Variants in SLA observed in about 807,000 individuals in gnomAD.
The protein encoded by SLA is src-like-adapter.
SLA carries 16 observed loss-of-function variants against 30.3 expected under a neutral mutation model. That is an observed-to-expected ratio of 0.53 (90% CI 0.36 to 0.80). The LOEUF (loss-of-function observed/expected upper bound fraction) is 0.80. Ranked by LOEUF, SLA falls within the 30% of genes least tolerant of loss-of-function variation. SLA has a pLI of 0.01. For synonymous variants in SLA, 143 were observed against 137.8 expected (o/e 1.04, Z -0.26); for missense variants, 310 against 345.2 (o/e 0.90, Z 0.81).
At chr8:133,067,897 AGGAAGGAAGGAAGGAAG>A (rs1564145710) in intron 2 of SLA, among the ~76,000 whole-genome samples, 6 of 115,888 alleles carry the variant, frequency 5.2e-5, no homozygotes, top group East Asian at 3.2e-4. Context: ...TATGTATGGA[AGGAAGGAAGGAAGGAAG>A]GAAAGAGAGA....
intron 6 of SLA, chr8:133,046,960 C>G (rs1839535732): frequency 2.0e-5 from 3 of 152,094 alleles, no homozygotes; most frequent in Non-Finnish European, 4.4e-5. Context: ...ATTGAATGTA[C>G]AAGAAGCAAG....
chr8:133,060,163 C>G lies in SLA; in HGVS notation c.-3G>C. The G allele has an allele frequency of 6.2e-7, 1 of 1,612,694 alleles. No homozygotes were observed. Among genetic ancestry groups the G allele is most frequent in the South Asian group, 1.1e-5 (1 of 90,762 alleles). On this transcript the variant is annotated 5_prime_UTR_variant, in exon 3 of 9. Coordinates refer to ENST00000338087, the MANE Select transcript of SLA (RefSeq NM_001045556.3). ...GTGGATTTCATGCTGTTTCCCATTT[C>G]TTTCTTTTTCCCTGGGGCCGCTGGT...
At chr8:133,070,029 A>ACC (rs1554715883) in intron 2 of SLA, among the ~76,000 whole-genome samples, 1 of 109,812 alleles carries the variant, frequency 9.1e-6, no homozygotes, top group South Asian at 3.2e-4. Flanking sequence ...AAAAAAAAGA[A>ACC]AGAAAGAAAG....
chr8:133,100,101 G>C (rs1849015810), intron 1 of SLA, among the ~76,000 whole-genome samples: 1 of 152,192 alleles, frequency 6.6e-6, no homozygotes, highest in Non-Finnish European at 1.5e-5. Context: ...AACTCCTGCT[G>C]TTCCCTCTTG....
At chr8:133,065,110 C>T (rs560903416) in intron 2 of SLA, among the ~76,000 whole-genome samples, 12 of 152,200 alleles carry the variant, frequency 7.9e-5, no homozygotes, top group African/African-American at 1.7e-4. Context: ...AAGTGTGGTG[C>T]GGCAAGTGGA....
intron 1 of SLA, among the ~76,000 whole-genome samples, chr8:133,101,496 C>T (rs1849244893): frequency 6.6e-6 from 1 of 152,184 alleles, no homozygotes; most frequent in Admixed American, 6.5e-5. Context: ...TCAGCCATGC[C>T]TTTTACTCCA....
intron 1 of SLA, among the ~76,000 whole-genome samples, chr8:133,075,523 T>C (rs1564157218): frequency 6.6e-6 from 1 of 152,244 alleles, no homozygotes; most frequent in Non-Finnish European, 1.5e-5. Context: ...GATAATACTG[T>C]TCCAGTCTTA....
In SLA at chr8:133,037,583, A is replaced by G. The variant is rs972997312; in HGVS notation, c.*941T>C. 6.7e-6 allele frequency: 1 copy of G among 149,648 alleles called. No homozygotes were observed. The highest frequency in any genetic ancestry group is 1.5e-5 in the Non-Finnish European group (1 of 67,628). 9.3% of individuals were successfully genotyped at this position (149,648 alleles called of 1,614,324 possible). On this transcript the variant is annotated 3_prime_UTR_variant, in exon 9 of 9. Transcript: ENST00000338087. ...TCTCTTTTTACACATTTGTTTATACATTTTTTCCCTGTCTACACTGTGAAC... is the reference window on the plus strand; with the variant it reads ...TCTCTTTTTACACATTTGTTTATACGTTTTTTCCCTGTCTACACTGTGAAC...
At chr8:133,098,746 C>T (rs780730790) in intron 1 of SLA, among the ~76,000 whole-genome samples, 7 of 152,280 alleles carry the variant, frequency 4.6e-5, no homozygotes, top group Middle Eastern at 3.4e-3. Flanking sequence ...AAATGCCATC[C>T]ATCAGGGAGG....
chr8:133,075,168 C>G (rs926241817), intron 1 of SLA, 38 bp from the exon 2 acceptor site: 1 of 975,568 alleles, frequency 1.0e-6, no homozygotes, highest in African/African-American at 1.8e-5. Context: ...TTTTACAAAG[C>G]ATTTGAGAAT....
At chr8:133,067,660 CAGTT>C (rs753750434) in intron 2 of SLA, among the ~76,000 whole-genome samples, 37 of 152,162 alleles carry the variant, frequency 2.4e-4, no homozygotes, top group Non-Finnish European at 4.7e-4. Flanking sequence ...CCTGTAATCC[CAGTT>C]ACTCAGGAGG....
intron 1 of SLA, among the ~76,000 whole-genome samples, chr8:133,086,915 A>G (rs1289564096): frequency 6.6e-6 from 1 of 152,196 alleles, no homozygotes; most frequent in African/African-American, 2.4e-5. Flanking sequence ...CATTCTCCCT[A>G]ATAACCTAAA....
chr8:133,060,821 A>T (rs553277835), intron 2 of SLA, among the ~76,000 whole-genome samples: 1 of 152,316 alleles, frequency 6.6e-6, no homozygotes, highest in South Asian at 2.1e-4. Context: ...TTGTGCAGTG[A>T]GGGAAACTGA....
At position 133,038,542 on chromosome 8, in the gene SLA, T is replaced by C; in HGVS notation, c.813A>G (p.Pro271=). 6.2e-7 allele frequency: 1 copy of C among 1,612,696 alleles called. No homozygotes were observed. The highest frequency in any genetic ancestry group is 8.5e-7 in the Non-Finnish European group (1 of 1,178,722). ...TTCTTGGCTAGTCCTCAAAGTAAGG[T>C]GGTGATGAGAAGAATGAGCTCTTTC... The part of the protein sequence containing the change: ...SKRKSSFFSS[P]PYFED Residue 271 remains proline (P), a synonymous_variant, in exon 9 of 9, where the codon CCA becomes CCG. Transcript: ENST00000338087.
chr8:133,057,928 G>A (rs1248071803), intron 3 of SLA, among the ~76,000 whole-genome samples: 2 of 152,200 alleles, frequency 1.3e-5, no homozygotes, highest in Non-Finnish European at 2.9e-5. Context: ...TGCACGGCCA[G>A]GGTCTGTGGA....
intron 6 of SLA, chr8:133,047,136 T>C (rs1839570717): frequency 6.6e-6 from 1 of 152,250 alleles, no homozygotes; most frequent in Non-Finnish European, 1.5e-5. Flanking sequence ...AAGCAGTAAA[T>C]TAGTAATTTG....
chr8:133,102,521 G>T lies in SLA; in HGVS notation c.-319+32C>A, dbSNP rs1469018189. 11 of 1,550,478 alleles carry T rather than the reference G, an allele frequency of 7.1e-6. No individual in the cohort carries two copies. In the East Asian group the frequency reaches 2.7e-4, roughly 38 times the overall value. On this transcript the variant is annotated intron_variant, in intron 1 of 8. Transcript: ENST00000338087. ...CCAGGCCACCTATGGCCCACCCAGG[G>T]GGTCCCAATGACAGCAAAGTTAGCA... is the stretch of plus-strand genomic sequence containing the variant.
intron 1 of SLA, among the ~76,000 whole-genome samples, chr8:133,087,440 G>A (rs879594138): frequency 5.9e-5 from 9 of 152,128 alleles, no homozygotes; most frequent in Non-Finnish European, 1.2e-4. Flanking sequence ...CTCCCTCGGG[G>A]TGTGAGGGGA....
rs563729333 is a variant in SLA, at chr8:133,061,319, C to T, written c.-40-1119G>A. Among the ~76,000 whole-genome samples the T allele has an allele frequency of 2.2e-4, 34 of 152,328 alleles. No homozygotes were observed. In the South Asian group the frequency reaches 6.8e-3, roughly 31 times the overall value. On this transcript the variant is annotated intron_variant, in intron 2 of 8. Coordinates refer to ENST00000338087, the MANE Select transcript of SLA (RefSeq NM_001045556.3). ...CCTCCATGCCTGGCCAAGTCATTAACCTTTTTCTGACTGTTTTGGGGAACA... is the reference window on the plus strand; with the variant it reads ...CCTCCATGCCTGGCCAAGTCATTAATCTTTTTCTGACTGTTTTGGGGAACA...
Sources: allele counts gnomAD v4.1 joint callset (sites outside exome capture counted in the v4.1 genomes callset), GRCh38; gene constraint gnomAD v4.1.1; transcripts MANE v1.5; gene names NCBI Gene and HGNC (gene_info 2026-07-23, HGNC 2026-07-21).